OSBPL1A: variants seen among roughly 807,000 people sequenced by gnomAD.
OSBPL1A encodes oxysterol binding protein like 1A, also known as oxysterol-binding protein-related protein 1.
A neutral mutation model predicts 137.1 loss-of-function variants in OSBPL1A; 80 were observed. The ratio of observed to expected loss-of-function variants is 0.58; its 90% CI spans 0.49 to 0.70. OSBPL1A has a LOEUF of 0.70. OSBPL1A is among the 30% of genes least tolerant of loss of function. OSBPL1A has a pLI of 0.00. For synonymous variants in OSBPL1A, 365 were observed against 389.7 expected, an observed-to-expected ratio of 0.94 and a Z score of 0.75; for missense variants, 970 against 1,129.4, an observed-to-expected ratio of 0.86 and a Z score of 2.02.
intron 5 of OSBPL1A, among the ~76,000 whole-genome samples, chr18:24,341,323 A>T (rs982261188): frequency 6.6e-6 from 1 of 152,226 alleles, no homozygotes; most frequent in Non-Finnish European, 1.5e-5. Context: ...ACAGATTTTT[A>T]AAACTTGCCA....
chr18:24,167,257 A>C, intron 25 of OSBPL1A, 72 bp downstream of exon 25: 1 of 1,400,884 alleles, frequency 7.1e-7, no homozygotes, highest in Non-Finnish European at 1.0e-6. Flanking sequence ...GGCCGACCCT[A>C]CACGTGCCAG....
Position 24,333,060 on chromosome 18 carries a change from A to G in OSBPL1A, c.507T>C (p.Val169=), listed in dbSNP as rs1483423522. Residue 169 remains valine (V), a synonymous_variant, in exon 7 of 28, where the codon GTT becomes GTC. Coordinates refer to ENST00000319481, the MANE Select transcript of OSBPL1A (RefSeq NM_080597.4). ...TATTTCCTAACTGATCCGAACAGTT[A>G]ACATCAGGAGGATTGGGCCTGTTGA... The part of the protein sequence containing the change: ...ALLNRPNPPD[V]NCSDQLGNTP... 1 of 1,614,142 alleles carries G rather than the reference A, an allele frequency of 6.2e-7. No individual in the cohort carries two copies. Among genetic ancestry groups the G allele is most frequent in the Admixed American group, 1.7e-5 (1 of 60,018 alleles).
rs147895357 is a variant in OSBPL1A, at chr18:24,269,851, A to AACACACACACACACACACAC, written c.1281+10971_1281+10990dup. On this transcript the variant is annotated intron_variant, in intron 15 of 27. Transcript: ENST00000319481. ...GAGTCACATCAAGCATGACAAGCCT[A>AACACACACACACACACACAC]ACACACACACACACACACACACACA... Among the ~76,000 whole-genome samples the AACACACACACACACACACAC allele has an allele frequency of 2.4e-3, 331 of 140,068 alleles. 1 individual carries two copies. The highest frequency in any genetic ancestry group is 0.015 in the Middle Eastern group (4 of 270). 91.9% of individuals were successfully genotyped at this position (140,068 alleles called of 152,430 possible). A position where few individuals can be genotyped will look rare whatever the true frequency, so the allele number is the denominator to read the frequency against.
intron 17 of OSBPL1A, among the ~76,000 whole-genome samples, chr18:24,208,020 C>T (rs1253658399): frequency 1.3e-5 from 2 of 152,178 alleles, no homozygotes; most frequent in South Asian, 2.1e-4. Context: ...GCTGGGATTA[C>T]AGGCATGAAC....
At chr18:24,353,103 A>G (rs2091471436) in intron 4 of OSBPL1A, among the ~76,000 whole-genome samples, 1 of 152,220 alleles carries the variant, frequency 6.6e-6, no homozygotes, top group African/African-American at 2.4e-5. Flanking sequence ...TGCACAGCAA[A>G]AAAAACTACC....
chr18:24,317,021 A>G (rs889646500), intron 11 of OSBPL1A, 128 bp downstream of exon 11: 23 of 862,782 alleles, frequency 2.7e-5, no homozygotes, highest in East Asian at 1.8e-4. Flanking sequence ...ATTAAAATAT[A>G]TACAAGTGTT....
chr18:24,251,255 T>C (rs59948106), intron 15 of OSBPL1A, among the ~76,000 whole-genome samples: 50,025 of 151,976 alleles, frequency 0.33, 9,596 homozygotes, highest in Middle Eastern at 0.5. Context: ...CCTGAGGTCT[T>C]GAGTGACCAT....
chr18:24,373,637 A>C (rs1330860300), intron 2 of OSBPL1A, among the ~76,000 whole-genome samples: 1 of 152,186 alleles, frequency 6.6e-6, no homozygotes, highest in African/African-American at 2.4e-5. Flanking sequence ...AATTCCTTCC[A>C]AACAGTAACA....
intron 17 of OSBPL1A, among the ~76,000 whole-genome samples, chr18:24,204,309 AT>A (rs2087306358): frequency 1.3e-5 from 2 of 152,306 alleles, no homozygotes; most frequent in Admixed American, 1.3e-4. Flanking sequence ...CATTTTTCAT[AT>A]GCTTAATGAC....
chr18:24,272,619 G>GA (rs1033988153), intron 15 of OSBPL1A, among the ~76,000 whole-genome samples: 2 of 152,112 alleles, frequency 1.3e-5, no homozygotes, highest in African/African-American at 4.8e-5. Context: ...CTGATGGAGG[G>GA]AAAGAAATCT....
intron 15 of OSBPL1A, among the ~76,000 whole-genome samples, chr18:24,270,243 T>TG (rs2089685238): frequency 6.6e-6 from 1 of 152,250 alleles, no homozygotes; most frequent in South Asian, 2.1e-4. Flanking sequence ...AAATTGTACA[T>TG]GGAGCTTAGA....
chr18:24,264,885 T>C lies in OSBPL1A; in HGVS notation c.1281+15957A>G, dbSNP rs184552301. On this transcript the variant is annotated intron_variant, in intron 15 of 27. Transcript: ENST00000319481. ...TTGCCCGCTCCTAGCGGCATATGCT[T>C]GGGCAAGTAAATGACACTCTCCTCC... Among the ~76,000 whole-genome samples, 19 of 152,324 alleles carry C rather than the reference T, an allele frequency of 1.2e-4. 1 individual carries two copies. The East Asian group carries it at 3.7e-3, about 29-fold the overall frequency.
intron 4 of OSBPL1A, among the ~76,000 whole-genome samples, chr18:24,354,332 G>A (rs953968809): frequency 6.6e-6 from 1 of 152,132 alleles, no homozygotes; most frequent in African/African-American, 2.4e-5. Context: ...ACAGGCAACA[G>A]CAGTCTCTTA....
intron 14 of OSBPL1A, among the ~76,000 whole-genome samples, chr18:24,284,523 A>G (rs1481699405): frequency 6.6e-6 from 1 of 152,226 alleles, no homozygotes; most frequent in Non-Finnish European, 1.5e-5. Flanking sequence ...GATTACGCTG[A>G]ACAATTTTTA....
intron 14 of OSBPL1A, among the ~76,000 whole-genome samples, chr18:24,282,075 C>G (rs545896970): frequency 3.3e-5 from 5 of 151,866 alleles, no homozygotes; most frequent in East Asian, 1.9e-4. Flanking sequence ...CCCCACCCCC[C>G]ACTCCCAACC....
rs1427746288 is a variant in OSBPL1A, at chr18:24,317,317, T to C, written c.806+10A>G. 1.2e-6 allele frequency: 2 copies of C among 1,612,046 alleles called. No individual in the cohort carries two copies. The highest frequency in any genetic ancestry group is 1.7e-6 in the Non-Finnish European group (2 of 1,178,178). On this transcript the variant is annotated intron_variant, in intron 10 of 27. Transcript: ENST00000319481. ...TGAAATTTGATAAGTGTAAAGATCA[T>C]AATACTTACTGTTTCCTATACCATG...
At chr18:24,172,635 T>A (rs1326297386) in intron 21 of OSBPL1A, 152 bp from the exon 22 acceptor site, 1 of 532,136 alleles carries the variant, frequency 1.9e-6, no homozygotes, top group African/African-American at 1.9e-5. Flanking sequence ...TGATGTTAAC[T>A]CACCATAAAA....
intron 4 of OSBPL1A, among the ~76,000 whole-genome samples, chr18:24,356,348 G>C (rs1006422515): frequency 1.5e-4 from 23 of 152,130 alleles, no homozygotes. Flanking sequence ...AGGGACCAAT[G>C]ATCATTTACT....
chr18:24,195,572 C>T (rs1293685393), intron 18 of OSBPL1A, among the ~76,000 whole-genome samples: 1 of 152,140 alleles, frequency 6.6e-6, no homozygotes, highest in Non-Finnish European at 1.5e-5. Context: ...GAACTTTACC[C>T]AGAATCCTAG....
Sources: allele counts gnomAD v4.1 joint callset (sites outside exome capture counted in the v4.1 genomes callset), GRCh38; gene constraint gnomAD v4.1.1; transcripts MANE v1.5; gene names NCBI Gene and HGNC (gene_info 2026-07-23, HGNC 2026-07-21).